Variants in STAG2 observed in about 807,000 individuals in gnomAD.
STAG2 encodes the protein STAG2 cohesin complex component.
STAG2 carries 14 observed loss-of-function variants against 108.1 expected under a neutral mutation model. The ratio of observed to expected loss-of-function variants is 0.13; its 90% CI spans 0.09 to 0.20. STAG2 has a LOEUF of 0.20. Ranked by LOEUF, STAG2 falls within the 10% of genes least tolerant of loss-of-function variation. The pLI is 1.00. For synonymous variants in STAG2, 307 were observed against 302.7 expected, an observed-to-expected ratio of 1.01 and a Z score of -0.15; for missense variants, 440 against 940.9, an observed-to-expected ratio of 0.47 and a Z score of 6.96.
intron 24 of STAG2, among the ~76,000 whole-genome samples, chrX:124,069,584 T>TA (rs1380687634): frequency 3.6e-5 from 4 of 111,975 alleles, no homozygotes; most frequent in African/African-American, 1.3e-4. Context: ...TTTTATAGTT[T>TA]AAAATGTTCA....
At chrX:123,964,297 A>G (rs2053999344) in intron 1 of STAG2, among the ~76,000 whole-genome samples, 1 of 111,892 alleles carries the variant, frequency 8.9e-6, no homozygotes, top group Non-Finnish European at 1.9e-5. Flanking sequence ...AACAGGCAAC[A>G]TAAATACTTA....
In STAG2 at chrX:124,065,911, A is replaced by G; in HGVS notation, c.2061A>G (p.Val687=). The G allele has an allele frequency of 8.5e-7, 1 of 1,176,825 alleles. No individual in the cohort carries two copies. Among genetic ancestry groups the G allele is most frequent in the Non-Finnish European group, 1.1e-6 (1 of 878,538 alleles). Residue 687 remains valine, a synonymous_variant, in exon 21 of 35, where the codon GTA becomes GTG. Coordinates refer to ENST00000371145, the MANE Select transcript of STAG2 (RefSeq NM_001042750.2). ...CTGATGAAGATGATGCATATCAGGT[A>G]TTGTCAACATTGAAGAGGATCACTG... ...EEPDEDDAYQ[V]LSTLKRITAF...
chrX:124,076,264 G>C, intron 25 of STAG2, 68 bp from the exon 26 acceptor site: 1 of 1,029,151 alleles, frequency 9.7e-7, no homozygotes, highest in Non-Finnish European at 1.3e-6. Flanking sequence ...GTTTCATAGT[G>C]AGAATTAAAA....
At chrX:124,010,646 A>G (rs142157650) in intron 1 of STAG2, among the ~76,000 whole-genome samples, 3 of 111,693 alleles carry the variant, frequency 2.7e-5, no homozygotes, top group East Asian at 2.8e-4. Context: ...GCTTTAAGCA[A>G]AGCGGTGTAC....
chrX:123,982,034 T>G (rs909514521), intron 1 of STAG2, among the ~76,000 whole-genome samples: 2 of 111,218 alleles, frequency 1.8e-5, no homozygotes, highest in Non-Finnish European at 3.8e-5. Flanking sequence ...TCTGCTGCTT[T>G]TCTTCACATT....
intron 18 of STAG2, 31 bp from the exon 19 acceptor site, chrX:124,063,085 A>G (rs773401187): frequency 2.5e-6 from 3 of 1,179,989 alleles, no homozygotes; most frequent in Non-Finnish European, 3.4e-6. Flanking sequence ...TCTTATTGTG[A>G]TATTTTTAAC....
chrX:123,961,659 T>C (rs1480581490), upstream of STAG2: 6 of 65,490 alleles, frequency 9.2e-5, no homozygotes, highest in Non-Finnish European at 1.8e-4. Context: ...TCGTGCCCCC[T>C]CCCTTCTCCC....
intron 1 of STAG2, among the ~76,000 whole-genome samples, chrX:123,974,823 C>T (rs1302883498): frequency 9.1e-6 from 1 of 110,431 alleles, no homozygotes; most frequent in Non-Finnish European, 1.9e-5. Flanking sequence ...GTGATCCGCC[C>T]GCCTTGGCCT....
intron 1 of STAG2, among the ~76,000 whole-genome samples, chrX:124,010,561 C>G (rs1172195247): frequency 2.7e-5 from 3 of 111,359 alleles, no homozygotes; most frequent in African/African-American, 9.8e-5. Context: ...ATGCCAGTAC[C>G]TCACAGTTTT....
chrX:124,053,691 A>G (rs1197691567), intron 13 of STAG2, among the ~76,000 whole-genome samples: 1 of 111,800 alleles, frequency 8.9e-6, no homozygotes, highest in East Asian at 2.8e-4. Flanking sequence ...CACCACTAAA[A>G]TGACCATGTA....
At chrX:124,019,016 G>C (rs916935729) in intron 1 of STAG2, among the ~76,000 whole-genome samples, 5 of 105,588 alleles carry the variant, frequency 4.7e-5, no homozygotes, top group Non-Finnish European at 1.9e-5. Context: ...TTTAGAGAAT[G>C]ACTAGCAAAC....
Position 124,076,320 on chromosome X carries a change from C to A in STAG2, c.2534-12C>A. On this transcript the variant is annotated splice_polypyrimidine_tract_variant and intron_variant, in intron 25 of 34. Transcript: ENST00000371145. Reference sequence around the variant, plus strand: ...AATACAAGATGCTTAATGTTTGGGACTTTTTCTCCAGATGGTCAGCAAGAG... The same window carrying A: ...AATACAAGATGCTTAATGTTTGGGAATTTTTCTCCAGATGGTCAGCAAGAG... 1 of 1,206,066 alleles carries A rather than the reference C, an allele frequency of 8.3e-7. No individual in the cohort carries two copies. Among genetic ancestry groups the A allele is most frequent in the Non-Finnish European group, 1.1e-6 (1 of 892,425 alleles).
chrX:124,086,427 T>C, intron 29 of STAG2, 120 bp from the exon 30 acceptor site: 1 of 500,887 alleles, frequency 2.0e-6, no homozygotes, highest in South Asian at 3.2e-5. Flanking sequence ...ACATTGTTCA[T>C]TAATGTCCTG....
chrX:123,964,506 CAGTA>C (rs2054006869), intron 1 of STAG2, among the ~76,000 whole-genome samples: 1 of 111,179 alleles, frequency 9.0e-6, no homozygotes, highest in Admixed American at 9.6e-5. Flanking sequence ...TTGGCAGTTG[CAGTA>C]AGTGACAGTG....
intron 10 of STAG2, 29 bp from the exon 11 acceptor site, chrX:124,050,157 T>A: frequency 8.3e-7 from 1 of 1,203,091 alleles, no homozygotes; most frequent in Non-Finnish European, 1.1e-6. Flanking sequence ...TGGCACTAAT[T>A]ATGCATCGTT....
intron 1 of STAG2, among the ~76,000 whole-genome samples, chrX:123,984,212 A>C (rs1291741200): frequency 9.1e-6 from 1 of 109,568 alleles, no homozygotes; most frequent in Non-Finnish European, 1.9e-5. Context: ...TCCCAACCTC[A>C]GGTGATTCGC....
At chrX:124,066,064 GTTTACTGCA>G (rs1474666470) in intron 21 of STAG2, 102 bp from the exon 22 acceptor site, 2 of 923,121 alleles carry the variant, frequency 2.2e-6, no homozygotes, top group Admixed American at 3.7e-5. Flanking sequence ...GCATTTTAAA[GTTTACTGCA>G]TTTACTGCAT....
chrX:124,076,270 T>TA (rs1175643554), intron 25 of STAG2, 62 bp from the exon 26 acceptor site: 32 of 1,085,635 alleles, frequency 2.9e-5, no homozygotes, highest in South Asian at 2.6e-4. Context: ...TAGTGAGAAT[T>TA]AAAAAAAATA....
At chrX:124,073,715 A>G (rs1218679781) in intron 25 of STAG2, among the ~76,000 whole-genome samples, 1 of 111,923 alleles carries the variant, frequency 8.9e-6, no homozygotes. Flanking sequence ...GAGCCACTAC[A>G]CCTGGCACTA....
Sources: allele counts gnomAD v4.1 joint callset (sites outside exome capture counted in the v4.1 genomes callset), GRCh38; gene constraint gnomAD v4.1.1; transcripts MANE v1.5; gene names NCBI Gene and HGNC (gene_info 2026-07-23, HGNC 2026-07-21).